NOS1: variants seen among roughly 807,000 people sequenced by gnomAD.
NOS1 encodes NOS type I.
A neutral mutation model predicts 164.5 loss-of-function variants in NOS1; 51 were observed. That is an observed-to-expected ratio of 0.31 (90% CI 0.25 to 0.39). NOS1 has a LOEUF of 0.39. NOS1 is among the 10% of genes least tolerant of loss of function. The probability of loss-of-function intolerance (pLI) is 1.00; values close to 1 mark genes in which losing one functional copy is unlikely to be tolerated. For missense variants in NOS1, 1,362 were observed against 1,885.6 expected, an observed-to-expected ratio of 0.72 and a Z score of 5.14; for synonymous variants, 719 against 745.8, an observed-to-expected ratio of 0.96 and a Z score of 0.59.
chr12:117,210,383 C>T lies in NOS1; in HGVS notation c.*4926G>A. ...AAGGAAGACTAGTTAGTGTTTCTCTCTCCTTGTTGCTTCCTGGCAGTCTCA... is the reference window on the plus strand; with the variant it reads ...AAGGAAGACTAGTTAGTGTTTCTCTTTCCTTGTTGCTTCCTGGCAGTCTCA... On this transcript the variant is annotated 3_prime_UTR_variant, in exon 29 of 29. Transcript: ENST00000317775. The T allele has an allele frequency of 1.0e-6, 1 of 985,364 alleles. No homozygotes were observed. The highest frequency in any genetic ancestry group is 1.2e-6 in the Non-Finnish European group (1 of 829,940). 61.0% of individuals were successfully genotyped at this position (985,364 alleles called of 1,614,324 possible). A position where few individuals can be genotyped will look rare whatever the true frequency, so the allele number is the denominator to read the frequency against.
chr12:117,323,734 C>T (rs1016387295), intron 2 of NOS1, among the ~76,000 whole-genome samples: 1 of 152,134 alleles, frequency 6.6e-6, no homozygotes, highest in African/African-American at 2.4e-5. Context: ...AATTGACTTC[C>T]ATTCCTCCAG....
chr12:117,354,381 C>A (rs1876768700), intron 1 of NOS1, among the ~76,000 whole-genome samples: 5 of 149,470 alleles, frequency 3.3e-5, no homozygotes, highest in Admixed American at 3.3e-4. Flanking sequence ...AAAATGATAA[C>A]TGAAGGTATT....
At chr12:117,334,405 C>CT (rs559526487) in intron 1 of NOS1, among the ~76,000 whole-genome samples, 8 of 148,360 alleles carry the variant, frequency 5.4e-5, no homozygotes, top group Admixed American at 2.0e-4. Flanking sequence ...CAATTAGCTT[C>CT]TTTTTTTTTT....
At chr12:117,256,284 G>GTTGTGTTTTTTTTTTTTTTTTTTTTTTTT (rs549611283) in intron 16 of NOS1, among the ~76,000 whole-genome samples, 3 of 118,488 alleles carry the variant, frequency 2.5e-5, no homozygotes, top group African/African-American at 1.1e-4. Flanking sequence ...GGGATTTTCT[G>GTTGTGTTTTTTTTTTTTTTTTTTTTTTTT]TTTTTTTTTT....
chr12:117,245,762 CA>C, intron 18 of NOS1: 1 of 152,160 alleles, frequency 6.6e-6, no homozygotes, highest in Non-Finnish European at 1.5e-5. Flanking sequence ...TACTAAAATA[CA>C]AAAAATTAGC....
At chr12:117,239,640 C>T (rs1321157284) in intron 20 of NOS1, among the ~76,000 whole-genome samples, 2 of 152,086 alleles carry the variant, frequency 1.3e-5, no homozygotes, top group African/African-American at 4.8e-5. Context: ...GCCAGACAGC[C>T]CAACTTCAGC....
chr12:117,237,783 T>C (rs4766838), intron 20 of NOS1, among the ~76,000 whole-genome samples: 17,237 of 152,148 alleles, frequency 0.11, 1,350 homozygotes, highest in Admixed American at 0.29. Context: ...CTGTACATCA[T>C]GTGTCAGGCA....
Position 117,234,620 on chromosome 12 carries a change from C to G in NOS1, c.3180G>C (p.Pro1060=), listed in dbSNP as rs955465487. Residue 1060 remains proline (P), a synonymous_variant, in exon 21 of 29, where the codon CCG becomes CCC. Coordinates refer to ENST00000317775, the MANE Select transcript of NOS1 (RefSeq NM_000620.5). The surrounding 1 kb of genome is among the most constrained non-coding windows in gnomAD (Gnocchi z 4.3). Reference sequence around the variant, plus strand: ...CCACTTTCACCATCTGGTTGACAGGCGGCGCGTCCTCCAGCCGCTCGATCA... The same window carrying G: ...CCACTTTCACCATCTGGTTGACAGGGGGCGCGTCCTCCAGCCGCTCGATCA... ...NALIERLEDA[P]PVNQMVKVEL... is the part of the protein sequence containing the mutation. 6.2e-7 allele frequency: 1 copy of G among 1,614,072 alleles called. No individual in the cohort carries two copies. The highest frequency in any genetic ancestry group is 8.5e-7 in the Non-Finnish European group (1 of 1,179,978).
At chr12:117,274,781 AAAAAAAAAAAG>A (rs1259789705) in intron 9 of NOS1, among the ~76,000 whole-genome samples, 4 of 150,772 alleles carry the variant, frequency 2.7e-5, no homozygotes, top group African/African-American at 9.7e-5. Context: ...AAAAAAAAAA[AAAAAAAAAAAG>A]AAAGGACATT....
At chr12:117,226,340 C>G (rs9658503) in intron 24 of NOS1, among the ~76,000 whole-genome samples, 19 of 152,074 alleles carry the variant, frequency 1.2e-4, no homozygotes, top group African/African-American at 4.6e-4. Context: ...TGATTGGGAG[C>G]GAGCAGTAGA....
intron 20 of NOS1, among the ~76,000 whole-genome samples, chr12:117,236,692 A>G (rs1322322537): frequency 1.3e-5 from 2 of 152,184 alleles, no homozygotes; most frequent in African/African-American, 2.4e-5. Flanking sequence ...CTAATTTGGG[A>G]GCCTCCTAAG....
chr12:117,312,275 G>A (rs1566071604), intron 2 of NOS1, among the ~76,000 whole-genome samples: 1 of 152,100 alleles, frequency 6.6e-6, no homozygotes, highest in Admixed American at 6.6e-5. Context: ...CCCTGTGTTG[G>A]CCAGACTGAT....
chr12:117,344,193 C>A (rs1022356164), intron 1 of NOS1, among the ~76,000 whole-genome samples: 56 of 152,280 alleles, frequency 3.7e-4, no homozygotes, highest in African/African-American at 1.1e-3. Flanking sequence ...CATTTGCTGG[C>A]CACATGGAGC....
chr12:117,322,049 C>A (rs1208718685), intron 2 of NOS1, among the ~76,000 whole-genome samples: 2 of 134,880 alleles, frequency 1.5e-5, no homozygotes, highest in Non-Finnish European at 3.2e-5. Flanking sequence ...TCTCTCCTTC[C>A]TTCCCTCCTT....
intron 3 of NOS1, among the ~76,000 whole-genome samples, chr12:117,297,295 C>T (rs1358456335): frequency 1.3e-5 from 2 of 152,162 alleles, no homozygotes; most frequent in African/African-American, 4.8e-5. Context: ...AAGCAGGGAA[C>T]TGAAGGTTGG....
At chr12:117,229,871 G>A (rs541665603) in intron 22 of NOS1, among the ~76,000 whole-genome samples, 1 of 152,228 alleles carries the variant, frequency 6.6e-6, no homozygotes, top group African/African-American at 2.4e-5. Context: ...TCACAGGCGT[G>A]AGCCACTGTG....
rs370868180 is a variant in NOS1, at chr12:117,242,666, C to T, written c.3002G>A (p.Arg1001Gln). The T allele has an allele frequency of 3.0e-5, 48 of 1,613,988 alleles. No individual in the cohort carries two copies. The highest frequency in any genetic ancestry group is 1.8e-4 in the East Asian group (8 of 44,886). ...CTGGAGGTTTTGACGGCTAAGGAGCCGGGCAGCTGAGACTCGCTTTTTGTG... is the reference window on the plus strand; with the variant it reads ...CTGGAGGTTTTGACGGCTAAGGAGCTGGGCAGCTGAGACTCGCTTTTTGTG... Reference protein sequence around the residue: ...NVHKKRVSAARLLSRQNLQSP... With the variant: ...NVHKKRVSAAQLLSRQNLQSP... Residue 1001 changes from arginine (R) to glutamine (Q), a missense_variant, in exon 20 of 29, where the codon CGG (arginine) becomes CAG (glutamine). Coordinates refer to ENST00000317775, the MANE Select transcript of NOS1 (RefSeq NM_000620.5).
Position 117,277,292 on chromosome 12 carries a change from T to C in NOS1, c.1664+667A>G, listed in dbSNP as rs565480981. On this transcript the variant is annotated intron_variant, in intron 9 of 28. Transcript: ENST00000317775. ...ATAGAGTTTTAAACAGTTCTCTCAA[T>C]TGAAAATGTGGGTCAGGTACAGTGG... is the stretch of plus-strand genomic sequence containing the variant. Among the ~76,000 whole-genome samples, 3 of 151,920 alleles carry C rather than the reference T, an allele frequency of 2.0e-5. No homozygotes were observed. In the South Asian group the frequency reaches 6.3e-4, roughly 32 times the overall value.
intron 16 of NOS1, among the ~76,000 whole-genome samples, chr12:117,256,782 AT>A (rs565236013): frequency 6.6e-6 from 1 of 151,114 alleles, no homozygotes; most frequent in East Asian, 2.0e-4. Flanking sequence ...ATTAACAAAA[AT>A]TTTTTTGTCA....
Sources: gnomAD v4.1 joint callset for allele counts (sites outside exome capture counted in the v4.1 genomes callset) on GRCh38, gnomAD v4.1.1 for gene constraint, Gnocchi (gnomAD v3.1) non-coding constraint, MANE v1.5 for transcripts, NCBI Gene and HGNC (gene_info 2026-07-23, HGNC 2026-07-21) for gene names.